The following SEPTIN7 variants were observed in gnomAD, a reference collection of about 807,000 sequenced individuals.
The protein encoded by SEPTIN7 is septin 7.
In SEPTIN7, 10 loss-of-function variants were observed where a neutral mutation model predicts 63.3. The observed-to-expected ratio is 0.16, with a 90% CI of 0.10 to 0.27. The LOEUF (loss-of-function observed/expected upper bound fraction) is 0.27, where lower values mean the gene tolerates loss of function less well. Ranked by LOEUF, SEPTIN7 falls within the 10% of genes least tolerant of loss-of-function variation. The pLI, the probability that SEPTIN7 is intolerant of heterozygous loss-of-function variation, is 1.00. For synonymous variants in SEPTIN7, 131 were observed against 165.3 expected (o/e 0.79, Z 1.59); for missense variants, 310 against 521.0 (o/e 0.59, Z 3.94).
At chr7:35,884,360 A>G (rs2116295729) in intron 9 of SEPTIN7, among the ~76,000 whole-genome samples, 1 of 152,326 alleles carries the variant, frequency 6.6e-6, no homozygotes, top group Non-Finnish European at 1.5e-5. Context: ...ATGCTCGACC[A>G]GTAAGTATAG....
chr7:35,890,887 A>G, intron 11 of SEPTIN7, 94 bp downstream of exon 11: 4 of 1,128,066 alleles, frequency 3.5e-6, no homozygotes, highest in Non-Finnish European at 4.6e-6. Context: ...GCTACTCAGT[A>G]GAAAATTTGG....
At chr7:35,889,061 T>G (rs965267290) in intron 10 of SEPTIN7, among the ~76,000 whole-genome samples, 1 of 152,158 alleles carries the variant, frequency 6.6e-6, no homozygotes, top group Non-Finnish European at 1.5e-5. Context: ...GTTGAAGAGA[T>G]ATGATGTCAC....
At chr7:35,802,777 G>T (rs1788076644) in intron 1 of SEPTIN7, among the ~76,000 whole-genome samples, 1 of 152,064 alleles carries the variant, frequency 6.6e-6, no homozygotes, top group Non-Finnish European at 1.5e-5. Context: ...TCTTCAGACT[G>T]CAAGGGAATG....
At chr7:35,897,542 A>G (rs191563970) in intron 11 of SEPTIN7, among the ~76,000 whole-genome samples, 1 of 151,948 alleles carries the variant, frequency 6.6e-6, no homozygotes, top group African/African-American at 2.4e-5. Flanking sequence ...GCTTATGTCT[A>G]TTTTTTTGGC....
intron 12 of SEPTIN7, chr7:35,900,001 T>C (rs2116381773): frequency 6.6e-6 from 1 of 152,332 alleles, no homozygotes; most frequent in Non-Finnish European, 1.5e-5. Flanking sequence ...TATTTGTATC[T>C]AAGTGTATGA....
At chr7:35,879,721 T>C in intron 6 of SEPTIN7, 102 bp from the exon 7 acceptor site, 1 of 706,118 alleles carries the variant, frequency 1.4e-6, no homozygotes. Context: ...TTCTGATAAG[T>C]AAGTAAAGTA....
chr7:35,886,000 A>G, intron 10 of SEPTIN7, 121 bp downstream of exon 10: 1 of 678,900 alleles, frequency 1.5e-6, no homozygotes, highest in Non-Finnish European at 2.5e-6. Flanking sequence ...CAGTCTAGCC[A>G]TGAAGTAAAC....
At chr7:35,900,904 C>T (rs1788284191) in intron 12 of SEPTIN7, 1 of 152,136 alleles carries the variant, frequency 6.6e-6, no homozygotes, top group Non-Finnish European at 1.5e-5. Context: ...ATTAGGCATG[C>T]TCATTCTAGA....
chr7:35,862,124 A>ACC (rs1355546326), intron 3 of SEPTIN7, among the ~76,000 whole-genome samples: 2 of 152,192 alleles, frequency 1.3e-5, no homozygotes, highest in Admixed American at 6.5e-5. Flanking sequence ...AAGGAAGTTT[A>ACC]CAGCACCCAG....
At chr7:35,895,141 G>A (rs968869753) in intron 11 of SEPTIN7, among the ~76,000 whole-genome samples, 1 of 152,046 alleles carries the variant, frequency 6.6e-6, no homozygotes, top group African/African-American at 2.4e-5. Flanking sequence ...CTATTAAAAA[G>A]CAGGCAGGCA....
the SEPTIN7 span, among the ~76,000 whole-genome samples, chr7:35,914,724 A>G: frequency 6.6e-6 from 1 of 152,036 alleles, no homozygotes; most frequent in East Asian, 1.9e-4. Flanking sequence ...GTATATATAC[A>G]TAAACCTATG....
At chr7:35,910,814 A>G (rs1788728560), downstream of SEPTIN7, among the ~76,000 whole-genome samples, 1 of 152,228 alleles carries the variant, frequency 6.6e-6, no homozygotes, top group Non-Finnish European at 1.5e-5. Context: ...AACAGCATCT[A>G]CAGAAACCAG....
intron 3 of SEPTIN7, among the ~76,000 whole-genome samples, chr7:35,849,824 T>C (rs1302824129): frequency 6.6e-6 from 1 of 152,232 alleles, no homozygotes; most frequent in East Asian, 1.9e-4. Flanking sequence ...TTAACTTATT[T>C]GGCATTACTG....
chr7:35,883,617 G>C (rs1787040080), intron 8 of SEPTIN7, among the ~76,000 whole-genome samples: 2 of 149,534 alleles, frequency 1.3e-5, no homozygotes, highest in Non-Finnish European at 3.0e-5. Flanking sequence ...ACTTTCTGTA[G>C]TGATTTTTAG....
intron 3 of SEPTIN7, among the ~76,000 whole-genome samples, chr7:35,862,033 G>T (rs1785537429): frequency 6.6e-6 from 1 of 152,086 alleles, no homozygotes; most frequent in Non-Finnish European, 1.5e-5. Context: ...AGGGAATGAG[G>T]CTTTGAGCTT....
At chr7:35,863,031 C>G (rs1387120461) in intron 3 of SEPTIN7, among the ~76,000 whole-genome samples, 1 of 151,926 alleles carries the variant, frequency 6.6e-6, no homozygotes, top group Non-Finnish European at 1.5e-5. Flanking sequence ...GAGAAGCACC[C>G]TTATATTTAG....
At chr7:35,835,947 T>C (rs1458480292) in intron 3 of SEPTIN7, among the ~76,000 whole-genome samples, 1 of 152,160 alleles carries the variant, frequency 6.6e-6, no homozygotes, top group Non-Finnish European at 1.5e-5. Context: ...GTTGTTAGCT[T>C]GTATGTAATT....
intron 3 of SEPTIN7, among the ~76,000 whole-genome samples, chr7:35,859,526 A>G (rs1457019613): frequency 6.6e-6 from 1 of 152,118 alleles, no homozygotes; most frequent in Non-Finnish European, 1.5e-5. Flanking sequence ...AGTTTTCTTC[A>G]TATCCTGTAT....
At chr7:35,855,243 A>G (rs555468051) in intron 3 of SEPTIN7, among the ~76,000 whole-genome samples, 18 of 152,264 alleles carry the variant, frequency 1.2e-4, no homozygotes, top group African/African-American at 4.3e-4. Flanking sequence ...TCCTGTCAGT[A>G]TATTCTTAGC....
Sources: allele counts gnomAD v4.1 joint callset (sites outside exome capture counted in the v4.1 genomes callset), GRCh38; gene constraint gnomAD v4.1.1; transcripts MANE v1.5; gene names NCBI Gene and HGNC (gene_info 2026-07-23, HGNC 2026-07-21).